SEMA4F: variants seen among roughly 807,000 people sequenced by gnomAD.
SEMA4F encodes the protein semaphorin-4F.
A neutral mutation model predicts 78.4 loss-of-function variants in SEMA4F; 51 were observed. The ratio of observed to expected loss-of-function variants is 0.65; its 90% CI spans 0.52 to 0.82. The LOEUF (loss-of-function observed/expected upper bound fraction) is 0.82. Ranked by LOEUF, SEMA4F falls within the 40% of genes least tolerant of loss-of-function variation. The probability of loss-of-function intolerance (pLI) is 0.00; values close to 1 mark genes in which losing one functional copy is unlikely to be tolerated. For synonymous variants in SEMA4F, 418 were observed against 408.7 expected, an observed-to-expected ratio of 1.02 and a Z score of -0.27; for missense variants, 938 against 1,014.4, an observed-to-expected ratio of 0.92 and a Z score of 1.02.
chr2:74,674,009 C>T (rs1685131756), intron 7 of SEMA4F, among the ~76,000 whole-genome samples, 181 bp downstream of exon 7: 1 of 152,218 alleles, frequency 6.6e-6, no homozygotes, highest in African/African-American at 2.4e-5. Context: ...TTGACACGCA[C>T]AATTACCCTT....
Position 74,676,001 on chromosome 2 carries a change from C to T in SEMA4F, c.1643+92C>T, listed in dbSNP as rs926705093. On this transcript the variant is annotated intron_variant, in intron 12 of 13. Coordinates refer to ENST00000357877, the MANE Select transcript of SEMA4F (RefSeq NM_004263.5). Reference sequence around the variant, plus strand: ...TTCTCATCTGTTAATGCTGCCCTGCCGGAGGCTGTTTTCTTTTTCTGTCTG... The same window carrying T: ...TTCTCATCTGTTAATGCTGCCCTGCTGGAGGCTGTTTTCTTTTTCTGTCTG... 4.0e-5 allele frequency: 56 copies of T among 1,402,482 alleles called. 1 individual carries two copies. The highest frequency in any genetic ancestry group is 3.7e-4 in the African/African-American group (26 of 69,798). The allele number at this position is 1,402,482 out of a possible 1,614,324, so 86.9% of individuals were successfully genotyped here.
chr2:74,660,751 A>ATGC (rs1684386444), intron 4 of SEMA4F, among the ~76,000 whole-genome samples: 1 of 152,232 alleles, frequency 6.6e-6, no homozygotes, highest in Non-Finnish European at 1.5e-5. Context: ...TGATATGATG[A>ATGC]TGCTGCTGGG....
chr2:74,707,292 A>T, the SEMA4F span, among the ~76,000 whole-genome samples: 2 of 152,248 alleles, frequency 1.3e-5, no homozygotes, highest in African/African-American at 4.8e-5. Flanking sequence ...AAGGAGCATG[A>T]TGTCAGCAAC....
chr2:74,672,936 G>C (rs1685061035), intron 5 of SEMA4F, among the ~76,000 whole-genome samples: 1 of 152,178 alleles, frequency 6.6e-6, no homozygotes, highest in African/African-American at 2.4e-5. Context: ...GCTGGCCCAG[G>C]GATCTGCATT....
At chr2:74,702,758 C>T in the SEMA4F span, among the ~76,000 whole-genome samples, 60 of 152,250 alleles carry the variant, frequency 3.9e-4, no homozygotes, top group African/African-American at 1.4e-3. Context: ...TGTATAGTCA[C>T]TGATGCATAG....
chr2:74,667,615 C>T (rs1428463505), intron 5 of SEMA4F, among the ~76,000 whole-genome samples: 4 of 152,180 alleles, frequency 2.6e-5, no homozygotes, highest in African/African-American at 9.6e-5. Context: ...CGAAGTTTAT[C>T]TGTACTATAC....
intron 7 of SEMA4F, among the ~76,000 whole-genome samples, chr2:74,674,278 G>A (rs1429895100): frequency 6.6e-6 from 1 of 152,170 alleles, no homozygotes; most frequent in African/African-American, 2.4e-5. Context: ...TAAGGGCACA[G>A]TTAACTTAGT....
At chr2:74,654,567 A>G in intron 1 of SEMA4F, 46 bp downstream of exon 1, 2 of 1,460,454 alleles carry the variant, frequency 1.4e-6, no homozygotes, top group East Asian at 5.4e-5. Flanking sequence ...GCCCACACCC[A>G]CACCCACACC....
In SEMA4F at chr2:74,674,508, G is replaced by A; in HGVS notation, c.833G>A (p.Gly278Glu). 6.2e-7 allele frequency: 1 copy of A among 1,612,650 alleles called. No individual in the cohort carries two copies. The highest frequency in any genetic ancestry group is 8.5e-7 in the Non-Finnish European group (1 of 1,179,314). The change falls in exon 8 of 14, where the codon GGG (glycine) becomes GAG (glutamate). Residue 278 changes from glycine to glutamate, a missense_variant. Coordinates refer to ENST00000357877, the MANE Select transcript of SEMA4F (RefSeq NM_004263.5). ...RVARVCAGDL[G>E]GRKTLQQRWT... ...TGTTTGTCACCCCAGGGGGACCTCGGGGGCCGGAAGACCCTCCAGCAGAGA... is the reference window on the plus strand; with the variant it reads ...TGTTTGTCACCCCAGGGGGACCTCGAGGGCCGGAAGACCCTCCAGCAGAGA...
chr2:74,708,652 C>G, the SEMA4F span, among the ~76,000 whole-genome samples: 1 of 152,046 alleles, frequency 6.6e-6, no homozygotes, highest in Non-Finnish European at 1.5e-5. Flanking sequence ...TATAATTCCC[C>G]CAAAGCCCAG....
chr2:74,704,944 A>G, the SEMA4F span, among the ~76,000 whole-genome samples: 4 of 152,164 alleles, frequency 2.6e-5, no homozygotes, highest in East Asian at 1.9e-4. Context: ...CTGCCCCTCA[A>G]TCCAAGGGTC....
At chr2:74,693,622 G>A in the SEMA4F span, among the ~76,000 whole-genome samples, 7 of 152,190 alleles carry the variant, frequency 4.6e-5, no homozygotes, top group South Asian at 2.1e-4. Flanking sequence ...CTGAAGCCAC[G>A]TTGGTTCCTA....
intron 7 of SEMA4F, 67 bp from the exon 8 acceptor site, chr2:74,674,431 T>G: frequency 1.4e-6 from 2 of 1,450,284 alleles, no homozygotes; most frequent in Non-Finnish European, 1.9e-6. Context: ...AAACTTAAAT[T>G]GGTCTCCATG....
chr2:74,673,917 A>G, intron 7 of SEMA4F, 89 bp downstream of exon 7: 1 of 1,434,112 alleles, frequency 7.0e-7, no homozygotes, highest in Non-Finnish European at 9.5e-7. Context: ...CTGTCTTTGA[A>G]TCTCTCCTGT....
downstream of SEMA4F, among the ~76,000 whole-genome samples, chr2:74,687,763 C>T (rs1189343574): frequency 2.6e-5 from 4 of 152,152 alleles, no homozygotes; most frequent in Non-Finnish European, 4.4e-5. Context: ...TTAGGGTGTC[C>T]TTCTCCTAGA....
intron 1 of SEMA4F, among the ~76,000 whole-genome samples, chr2:74,656,309 T>G (rs1417816425): frequency 6.6e-6 from 1 of 152,114 alleles, no homozygotes; most frequent in Non-Finnish European, 1.5e-5. Flanking sequence ...CGTGTCCAGC[T>G]AGTGCTCTAT....
intron 1 of SEMA4F, among the ~76,000 whole-genome samples, chr2:74,655,017 C>G (rs1684051589): frequency 1.3e-5 from 2 of 152,226 alleles, no homozygotes; most frequent in Non-Finnish European, 2.9e-5. Context: ...ATCTCCAGGT[C>G]AGCATTTCCA....
chr2:74,654,557 GCCCACACCCACA>G (rs763470612), intron 1 of SEMA4F, 36 bp downstream of exon 1: 40 of 1,507,268 alleles, frequency 2.7e-5, no homozygotes, highest in Non-Finnish European at 3.3e-5. Context: ...AGCCCTTCGC[GCCCACACCCACA>G]CCCACACCCA....
chr2:74,697,735 T>G, the SEMA4F span, among the ~76,000 whole-genome samples: 2 of 152,312 alleles, frequency 1.3e-5, no homozygotes, highest in East Asian at 1.9e-4. Flanking sequence ...TTAGTTCAAC[T>G]TTGATCCCTA....
Sources: allele counts gnomAD v4.1 joint callset (sites outside exome capture counted in the v4.1 genomes callset), GRCh38; gene constraint gnomAD v4.1.1; transcripts MANE v1.5; gene names NCBI Gene and HGNC (gene_info 2026-07-23, HGNC 2026-07-21).